The following RC3H2 variants were observed in gnomAD, a reference collection of about 807,000 sequenced individuals.
RC3H2 encodes the protein ring finger and CCCH-type domains 2, also known as roquin-2.
RC3H2 carries 31 observed loss-of-function variants against 133.3 expected under a neutral mutation model. That is an observed-to-expected ratio of 0.23 (90% CI 0.17 to 0.31). The LOEUF (loss-of-function observed/expected upper bound fraction) is 0.31. Among genes scored for constraint, RC3H2 ranks in the 10% least tolerant of loss-of-function variants. The probability of loss-of-function intolerance (pLI) is 1.00; values close to 1 mark genes in which losing one functional copy is unlikely to be tolerated. For synonymous variants in RC3H2, 517 were observed against 502.2 expected (o/e 1.03, Z -0.40); for missense variants, 1,175 against 1,437.2 (o/e 0.82, Z 2.95).
chr9:122,904,881 G>T (rs1221432266), intron 1 of RC3H2, among the ~76,000 whole-genome samples: 3 of 152,222 alleles, frequency 2.0e-5, no homozygotes, highest in Non-Finnish European at 4.4e-5. Context: ...GAAGGAAGGT[G>T]GCCATTTGAG....
At position 122,870,390 on chromosome 9, in the gene RC3H2, AAACAAACAAACAAACAAACAAAC is replaced by A. The variant is rs1200280006; in HGVS notation, c.1326-4756_1326-4734del. Among the ~76,000 whole-genome samples, 4 of 114,010 alleles carry A rather than the reference AAACAAACAAACAAACAAACAAAC, an allele frequency of 3.5e-5. No individual in the cohort carries two copies. In the Admixed American group the frequency reaches 3.6e-4, roughly 10 times the overall value. 74.8% of individuals were successfully genotyped at this position (114,010 alleles called of 152,430 possible). A position where few individuals can be genotyped will look rare whatever the true frequency, so the allele number is the denominator to read the frequency against. On this transcript the variant is annotated intron_variant, in intron 9 of 20. Transcript: ENST00000357244. Reference sequence around the variant, plus strand: ...ACTCTGTCTCCAAAAACAAACAAACAAACAAACAAACAAACAAACAAACAAAAAAAAAACAACAAACTGAGATA... The same window carrying A: ...ACTCTGTCTCCAAAAACAAACAAACAAAAAAAAAAACAACAAACTGAGATA...
chr9:122,887,907 C>T (rs1831997402), intron 4 of RC3H2, among the ~76,000 whole-genome samples: 1 of 152,050 alleles, frequency 6.6e-6, no homozygotes. Context: ...CCACACCTGG[C>T]TAATTTTTTC....
intron 15 of RC3H2, 52 bp from the exon 16 acceptor site, chr9:122,854,667 C>T (rs1255081458): frequency 5.9e-6 from 7 of 1,181,930 alleles, no homozygotes; most frequent in Admixed American, 1.7e-5. Context: ...AATCAGTGTA[C>T]TGAGGTGAAT....
At chr9:122,904,977 C>T in intron 1 of RC3H2, 133 bp downstream of exon 1, 1 of 577,044 alleles carries the variant, frequency 1.7e-6, no homozygotes, top group Non-Finnish European at 2.2e-6. Context: ...GTGCGGCCCT[C>T]AGTTCCCAAC....
intron 9 of RC3H2, among the ~76,000 whole-genome samples, chr9:122,873,605 C>T (rs1008610190): frequency 6.6e-6 from 1 of 151,410 alleles, no homozygotes; most frequent in African/African-American, 2.4e-5. Context: ...CCCAGCTACT[C>T]GAGAGGCTGA....
rs1388986131 is a variant in RC3H2 at position 122,845,603 on chromosome 9, TAA to T, written c.*4022_*4023del. 1 of 152,142 alleles carries T rather than the reference TAA, an allele frequency of 6.6e-6. No homozygotes were observed. The highest frequency in any genetic ancestry group is 1.5e-5 in the Non-Finnish European group (1 of 68,018). The allele number at this position is 152,142 out of a possible 1,614,324, so 9.4% of individuals were successfully genotyped here. ...GGAATAACTGCTCTTGGAGTAAAAA[TAA>T]GACTCCACTCAAATGTGGGGTGTTT... is the stretch of plus-strand genomic sequence containing the variant. On this transcript the variant is annotated 3_prime_UTR_variant, in exon 21 of 21. Transcript: ENST00000357244.
chr9:122,879,098 T>C (rs1269605887), intron 8 of RC3H2, among the ~76,000 whole-genome samples: 2 of 150,394 alleles, frequency 1.3e-5, no homozygotes, highest in African/African-American at 2.4e-5. Flanking sequence ...AAAAGTATCT[T>C]GAAAATTCAA....
chr9:122,870,779 C>T (rs1831051924), intron 9 of RC3H2, among the ~76,000 whole-genome samples: 2 of 152,150 alleles, frequency 1.3e-5, no homozygotes, highest in South Asian at 4.1e-4. Flanking sequence ...ATTAATCCCT[C>T]CCTTGTAAAT....
intron 9 of RC3H2, among the ~76,000 whole-genome samples, chr9:122,868,495 A>C (rs6478575): frequency 0.97 from 144,355 of 148,372 alleles, 70,340 homozygotes; most frequent in East Asian, 1. Flanking sequence ...GGTTAAATGG[A>C]TTAAGGGCGG....
At chr9:122,896,694 T>A (rs1832432953) in intron 2 of RC3H2, among the ~76,000 whole-genome samples, 2 of 152,040 alleles carry the variant, frequency 1.3e-5, no homozygotes, top group South Asian at 2.1e-4. Context: ...AATTATTAGG[T>A]TGCTGCAAAA....
rs962565768 is a variant in RC3H2, at chr9:122,854,410, T to C, written c.2900+121A>G. The C allele has an allele frequency of 5.1e-6, 6 of 1,167,144 alleles. No homozygotes were observed. In the African/African-American group the frequency reaches 7.8e-5, roughly 15 times the overall value. 72.3% of individuals were successfully genotyped at this position (1,167,144 alleles called of 1,614,324 possible). A position where few individuals can be genotyped will look rare whatever the true frequency, so the allele number is the denominator to read the frequency against. On this transcript the variant is annotated intron_variant, in intron 16 of 20. Coordinates refer to ENST00000357244, the MANE Select transcript of RC3H2 (RefSeq NM_001100588.3). ...TTTAAATGCAAATATTTTTCAGAAA[T>C]TTGTTATATAGCTCAGACAACAAGC...
chr9:122,862,678 T>C (rs1055824637), intron 10 of RC3H2, among the ~76,000 whole-genome samples: 1 of 152,124 alleles, frequency 6.6e-6, no homozygotes, highest in African/African-American at 2.4e-5. Flanking sequence ...GCAGATCACT[T>C]GCGGTCAGGA....
rs371211546 is a variant in RC3H2 at position 122,859,057 on chromosome 9, C to A, written c.1895G>T (p.Cys632Phe). 11 of 1,606,584 alleles carry A rather than the reference C, an allele frequency of 6.8e-6. No individual in the cohort carries two copies. In the Admixed American group the frequency reaches 1.3e-4, roughly 20 times the overall value. The part of the protein sequence containing the change: ...PPTVPAGVAP[C>F]VPRFVRSNNV... ...ATTGGACCTCACAAAGCGAGGAACA[C>A]AGGGAGCCACACCAGCTGGTACCGT... Residue 632 changes from cysteine to phenylalanine, a missense_variant, in exon 12 of 21, where the codon TGT becomes TTT. Transcript: ENST00000357244.
At chr9:122,869,157 C>T (rs918954472) in intron 9 of RC3H2, among the ~76,000 whole-genome samples, 2 of 151,968 alleles carry the variant, frequency 1.3e-5, no homozygotes, top group Non-Finnish European at 2.9e-5. Context: ...CTGCCCACTT[C>T]GGCCTCCCAA....
At chr9:122,868,603 G>GCGGAAGGC (rs1830864965) in intron 9 of RC3H2, among the ~76,000 whole-genome samples, 1 of 152,160 alleles carries the variant, frequency 6.6e-6, no homozygotes, top group South Asian at 2.1e-4. Flanking sequence ...CACAAACGCT[G>GCGGAAGGC]CGGAAGGCCG....
At chr9:122,889,150 T>C (rs1201719569) in intron 4 of RC3H2, among the ~76,000 whole-genome samples, 2 of 152,160 alleles carry the variant, frequency 1.3e-5, no homozygotes, top group African/African-American at 4.8e-5. Flanking sequence ...TTTATAAATA[T>C]TTTCCCCAGT....
Position 122,845,578 on chromosome 9 carries a change from G to T in RC3H2, c.*4049C>A, listed in dbSNP as rs1370290288. 1.3e-5 allele frequency: 2 copies of T among 152,080 alleles called. No individual in the cohort carries two copies. Among genetic ancestry groups the T allele is most frequent in the Non-Finnish European group, 2.9e-5 (2 of 68,000 alleles). The allele number at this position is 152,080 out of a possible 1,614,324, so 9.4% of individuals were successfully genotyped here. A position where few individuals can be genotyped will look rare whatever the true frequency, so the allele number is the denominator to read the frequency against. On this transcript the variant is annotated 3_prime_UTR_variant, in exon 21 of 21. Transcript: ENST00000357244. ...AAAACTGCCAATTTTAGACTAGAAG[G>T]GAATAACTGCTCTTGGAGTAAAAAT...
chr9:122,895,532 G>A (rs1832381327), intron 2 of RC3H2, among the ~76,000 whole-genome samples: 1 of 152,142 alleles, frequency 6.6e-6, no homozygotes, highest in Admixed American at 6.5e-5. Context: ...TTTGCAAGAG[G>A]CAACATTTTA....
chr9:122,869,501 G>A (rs900972392), intron 9 of RC3H2, among the ~76,000 whole-genome samples: 3 of 150,736 alleles, frequency 2.0e-5, no homozygotes, highest in Admixed American at 6.6e-5. Context: ...TCCTAGATTA[G>A]ACTGGCTAAA....
Sources: allele counts gnomAD v4.1 joint callset (sites outside exome capture counted in the v4.1 genomes callset), GRCh38; gene constraint gnomAD v4.1.1; transcripts MANE v1.5; gene names NCBI Gene and HGNC (gene_info 2026-07-23, HGNC 2026-07-21).